Variants in NTRK3 observed in about 807,000 individuals in gnomAD.
NTRK3 encodes NT-3 growth factor receptor.
Under a neutral mutation model 91.7 loss-of-function variants are expected in NTRK3, and 24 were observed. The ratio of observed to expected loss-of-function variants is 0.26; its 90% CI spans 0.19 to 0.37. The LOEUF is 0.37. Ranked by LOEUF, NTRK3 falls within the 10% of genes least tolerant of loss-of-function variation. The pLI, the probability that NTRK3 is intolerant of heterozygous loss-of-function variation, is 1.00. For synonymous variants in NTRK3, 483 were observed against 404.0 expected (o/e 1.20, Z -2.34); for missense variants, 880 against 1,068.9 (o/e 0.82, Z 2.46).
chr15:88,084,186 T>C (rs2048305109), intron 13 of NTRK3, among the ~76,000 whole-genome samples: 1 of 151,852 alleles, frequency 6.6e-6, no homozygotes, highest in African/African-American at 2.4e-5. Context: ...GCTCAGGGGT[T>C]CAAACTGCGT....
rs143986291 is a variant in NTRK3 at position 88,200,686 on chromosome 15, C to T, written c.249-16387G>A. On this transcript the variant is annotated intron_variant, in intron 3 of 18. Transcript: ENST00000394480. Reference sequence around the variant, plus strand: ...ATGACTGTAAGTTTCCTGAAGCCTCCCCAGCCATGTGGAACTGTGGGTCAA... The same window carrying T: ...ATGACTGTAAGTTTCCTGAAGCCTCTCCAGCCATGTGGAACTGTGGGTCAA... Among the ~76,000 whole-genome samples the T allele has an allele frequency of 3.9e-3, 589 of 152,272 alleles. 6 individuals are homozygous for T. The highest frequency in any genetic ancestry group is 0.013 in the African/African-American group (555 of 41,544).
At chr15:87,961,347 A>G (rs2141202556) in intron 14 of NTRK3, among the ~76,000 whole-genome samples, 1 of 152,388 alleles carries the variant, frequency 6.6e-6, no homozygotes, top group African/African-American at 2.4e-5. Flanking sequence ...CATTAAAAGA[A>G]GAACATATGC....
At position 88,104,997 on chromosome 15, in the gene NTRK3, C is replaced by G. The variant is rs571283556; in HGVS notation, c.1396+21274G>C. Among the ~76,000 whole-genome samples the G allele has an allele frequency of 6.6e-5, 10 of 152,336 alleles. No homozygotes were observed. In the East Asian group the frequency reaches 1.9e-3, roughly 29 times the overall value. ...TCCTGGGGGCAAGCCCTGAAATTCTCTAGTCCTGACCCTCTTCATGGATTG... is the reference window on the plus strand; with the variant it reads ...TCCTGGGGGCAAGCCCTGAAATTCTGTAGTCCTGACCCTCTTCATGGATTG... On this transcript the variant is annotated intron_variant, in intron 13 of 18. Coordinates refer to ENST00000394480, the Ensembl canonical transcript of NTRK3.
At chr15:88,199,047 C>T (rs1317942288) in intron 3 of NTRK3, among the ~76,000 whole-genome samples, 1 of 152,078 alleles carries the variant, frequency 6.6e-6, no homozygotes, top group Non-Finnish European at 1.5e-5. Flanking sequence ...AAACTCAGGA[C>T]CAAATGGACA....
At chr15:88,050,978 C>A (rs76028262) in intron 13 of NTRK3, among the ~76,000 whole-genome samples, 5,844 of 152,270 alleles carry the variant, frequency 0.038, 124 homozygotes, top group South Asian at 0.064. Flanking sequence ...GGGTCTGTTG[C>A]AGAATTTTCA....
At chr15:88,048,921 T>G (rs2080522462) in intron 13 of NTRK3, among the ~76,000 whole-genome samples, 1 of 152,176 alleles carries the variant, frequency 6.6e-6, no homozygotes, top group Non-Finnish European at 1.5e-5. Context: ...GGTGTCACCT[T>G]ATCTCTGTGA....
chr15:88,025,559 G>A (rs1391002561), intron 14 of NTRK3, among the ~76,000 whole-genome samples: 2 of 152,196 alleles, frequency 1.3e-5, no homozygotes, highest in African/African-American at 4.8e-5. Context: ...CAGAGGGTTG[G>A]AGTGATGCAG....
At chr15:87,910,948 A>T (rs1161931505) in intron 17 of NTRK3, among the ~76,000 whole-genome samples, 1 of 152,218 alleles carries the variant, frequency 6.6e-6, no homozygotes, top group Non-Finnish European at 1.5e-5. Flanking sequence ...TTCAGTGGTA[A>T]GATCAGAAGC....
chr15:87,862,970 T>C (rs1311881383), exon 19 of NTRK3: 1 of 230,658 alleles, frequency 4.3e-6, no homozygotes, highest in Non-Finnish European at 8.6e-6. Context: ...AACATAGACT[T>C]GTACATTGTG....
chr15:87,865,156 C>T (rs2064632116), exon 19 of NTRK3: 1 of 209,888 alleles, frequency 4.8e-6, no homozygotes, highest in African/African-American at 2.3e-5. Context: ...CAGCTTTATT[C>T]TGATTTCTTT....
chr15:87,866,778 C>A (rs1373701668), exon 19 of NTRK3: 1 of 192,622 alleles, frequency 5.2e-6, no homozygotes, highest in African/African-American at 2.3e-5. Flanking sequence ...GGTGCCATCA[C>A]AGAAAAGGTT....
chr15:87,876,764 T>C, exon 19 of NTRK3: 1 of 617,922 alleles, frequency 1.6e-6, no homozygotes, highest in South Asian at 1.9e-5. Context: ...ACAGGGTTTT[T>C]TTTTCTTTCT....
chr15:87,876,665 T>C (rs1421897074), exon 19 of NTRK3: 3 of 216,652 alleles, frequency 1.4e-5, no homozygotes, highest in Non-Finnish European at 2.8e-5. Flanking sequence ...CTCTGTGTAC[T>C]AGAGAAGGTA....
rs1297517514 is a variant in NTRK3 at position 87,877,002 on chromosome 15, T to C, written c.2411A>G (p.Lys804Arg). The change falls in exon 19 of 19, where the codon AAG (lysine) becomes AGG (arginine). Residue 804 changes from lysine to arginine, a missense_variant. Transcript: ENST00000394480. ...AGCATGGAGGATTTTGTAGATCTCC[T>C]TGATGTTCAACCGCTGCTGTGGTTC... 14 of 1,613,258 alleles carry C rather than the reference T, an allele frequency of 8.7e-6. No homozygotes were observed. In the South Asian group the frequency reaches 8.8e-5, roughly 10 times the overall value.
intron 17 of NTRK3, among the ~76,000 whole-genome samples, chr15:87,901,138 T>C (rs1366285128): frequency 6.6e-6 from 1 of 152,206 alleles, no homozygotes; most frequent in Non-Finnish European, 1.5e-5. Flanking sequence ...ATCTGAGGCC[T>C]GCAGCTGTGG....
chr15:88,014,589 A>G (rs981907493), intron 14 of NTRK3, among the ~76,000 whole-genome samples: 1 of 152,234 alleles, frequency 6.6e-6, no homozygotes, highest in Non-Finnish European at 1.5e-5. Flanking sequence ...AGGCAAAAAT[A>G]TAAGCGAGGA....
chr15:87,954,007 A>AGTGTGTGTGTGTGTGTGTGT (rs61653896), intron 14 of NTRK3, among the ~76,000 whole-genome samples: 7 of 127,742 alleles, frequency 5.5e-5, no homozygotes, highest in South Asian at 5.9e-4. Flanking sequence ...AGACCTTTTC[A>AGTGTGTGTGTGTGTGTGTGT]GTGTGTGTGT....
chr15:88,152,066 T>A (rs1256097200), intron 5 of NTRK3, among the ~76,000 whole-genome samples: 1 of 152,154 alleles, frequency 6.6e-6, no homozygotes, highest in Non-Finnish European at 1.5e-5. Flanking sequence ...TTTGGGAGGC[T>A]GAGGCAGGTG....
chr15:88,092,447 T>C (rs1266016652), intron 13 of NTRK3, among the ~76,000 whole-genome samples: 1 of 152,166 alleles, frequency 6.6e-6, no homozygotes, highest in East Asian at 1.9e-4. Flanking sequence ...TGGTTAAATC[T>C]CTGGTAGGTT....
Sources: allele counts gnomAD v4.1 joint callset (sites outside exome capture counted in the v4.1 genomes callset), GRCh38; gene constraint gnomAD v4.1.1; transcripts MANE v1.5; gene names NCBI Gene and HGNC (gene_info 2026-07-23, HGNC 2026-07-21).